MCTP2: variants seen among roughly 807,000 people sequenced by gnomAD.
The protein encoded by MCTP2 is multiple C2 and transmembrane domain-containing protein 2.
A neutral mutation model predicts 111.6 loss-of-function variants in MCTP2; 132 were observed. That is an observed-to-expected ratio of 1.18 (90% CI 1.03 to 1.37). The LOEUF is 1.37. Among genes scored for constraint, MCTP2 ranks in the 40% most tolerant of loss-of-function variants. MCTP2 has a pLI of 0.00. For synonymous variants in MCTP2, 395 were observed against 387.7 expected, an observed-to-expected ratio of 1.02 and a Z score of -0.22; for missense variants, 1,183 against 1,067.9, an observed-to-expected ratio of 1.11 and a Z score of -1.50.
At position 94,298,599 on chromosome 15, in the gene MCTP2, C is replaced by G. The variant is rs751060509; in HGVS notation, c.334C>G (p.His112Asp). 6.2e-7 allele frequency: 1 copy of G among 1,613,992 alleles called. No homozygotes were observed. Among genetic ancestry groups the G allele is most frequent in the Non-Finnish European group, 8.5e-7 (1 of 1,180,018 alleles). The change falls in exon 2 of 23, where the codon CAC becomes GAC. Residue 112 changes from histidine to aspartate, a missense_variant. Physicochemically the swap from His to Asp is moderately conservative, Grantham distance 81 (BLOSUM62 -1). Coordinates refer to ENST00000357742, the MANE Select transcript of MCTP2 (RefSeq NM_001385001.1). ...GGATTGGAGCCAGGAAGAAGCCAGTCACCTCCATGTGGTGGAAACAGACTC... is the reference window on the plus strand; with the variant it reads ...GGATTGGAGCCAGGAAGAAGCCAGTGACCTCCATGTGGTGGAAACAGACTC... ...ELDWSQEEASHLHVVETDSEE... is the reference protein window; with the variant it reads ...ELDWSQEEASDLHVVETDSEE...
chr15:94,355,895 G>C (rs2078594142), intron 8 of MCTP2: 1 of 1,063,102 alleles, frequency 9.4e-7, no homozygotes, highest in African/African-American at 1.7e-5. Flanking sequence ...GTACCGGCCA[G>C]TGCCAAGTCA....
intron 2 of MCTP2, among the ~76,000 whole-genome samples, chr15:94,303,062 A>ATATATATATATATATAGTT (rs1555448626): frequency 0.017 from 372 of 21,480 alleles, 2 homozygotes; most frequent in Non-Finnish European, 0.085. Context: ...AACTAATGGA[A>ATATATATATATATATAGTT]TATATATATA....
chr15:94,398,916 T>G, intron 14 of MCTP2, 45 bp from the exon 15 acceptor site: 1 of 1,182,764 alleles, frequency 8.5e-7, no homozygotes, highest in Non-Finnish European at 1.3e-6. Flanking sequence ...TTAAACCACA[T>G]AGTAATTTTG....
intron 12 of MCTP2, among the ~76,000 whole-genome samples, chr15:94,379,821 TTATA>T (rs913892195): frequency 3.5e-5 from 5 of 142,410 alleles, no homozygotes; most frequent in African/African-American, 1.1e-4. Flanking sequence ...TATGACATAA[TTATA>T]TATGACATAT....
chr15:94,457,522 A>T (rs2084910283), intron 19 of MCTP2, among the ~76,000 whole-genome samples: 1 of 152,210 alleles, frequency 6.6e-6, no homozygotes, highest in South Asian at 2.1e-4. Context: ...GAAGGGAATA[A>T]TCTGGGTAGG....
intron 1 of MCTP2, among the ~76,000 whole-genome samples, chr15:94,249,439 G>A (rs1176189760): frequency 6.6e-6 from 1 of 152,090 alleles, no homozygotes. Context: ...CAAAGCCCAA[G>A]GCAGATGTTC....
At chr15:94,263,102 C>T (rs1205150032) in intron 1 of MCTP2, among the ~76,000 whole-genome samples, 1 of 152,168 alleles carries the variant, frequency 6.6e-6, no homozygotes, top group African/African-American at 2.4e-5. Context: ...GAAGGAGAGT[C>T]AGACTCATGA....
intron 1 of MCTP2, among the ~76,000 whole-genome samples, chr15:94,276,947 C>CAAAAAAAA (rs71132999): frequency 8.4e-6 from 1 of 118,782 alleles, no homozygotes; most frequent in Non-Finnish European, 1.7e-5. Flanking sequence ...GTTGGAAGCC[C>CAAAAAAAA]AAAAAAAAAA....
chr15:94,455,936 A>T (rs1357323420), intron 19 of MCTP2, among the ~76,000 whole-genome samples: 1 of 152,244 alleles, frequency 6.6e-6, no homozygotes, highest in Non-Finnish European at 1.5e-5. Flanking sequence ...ATATATCACA[A>T]ATAATCATTC....
intron 19 of MCTP2, among the ~76,000 whole-genome samples, chr15:94,457,841 C>T (rs1177351123): frequency 2.6e-5 from 4 of 152,048 alleles, no homozygotes; most frequent in Non-Finnish European, 5.9e-5. Context: ...CAGAATTCTG[C>T]GAGGGACGCG....
chr15:94,316,557 GCT>G (rs2076387892), intron 4 of MCTP2, among the ~76,000 whole-genome samples: 7 of 152,178 alleles, frequency 4.6e-5, no homozygotes, highest in African/African-American at 1.7e-4. Flanking sequence ...TACCTTACAG[GCT>G]GTTGGGAAGA....
intron 1 of MCTP2, among the ~76,000 whole-genome samples, chr15:94,243,655 A>G (rs760472610): frequency 2.0e-5 from 3 of 148,172 alleles, no homozygotes; most frequent in Non-Finnish European, 3.0e-5. Context: ...ATATGTATAC[A>G]CATATGCGTA....
chr15:94,402,501 C>G, intron 17 of MCTP2: 1 of 1,551,726 alleles, frequency 6.4e-7, no homozygotes, highest in Non-Finnish European at 8.7e-7. Context: ...CAAAGAGGAA[C>G]CACCCCTGTC....
intron 14 of MCTP2, among the ~76,000 whole-genome samples, chr15:94,392,021 G>A (rs950801387): frequency 6.6e-6 from 1 of 152,120 alleles, no homozygotes; most frequent in Non-Finnish European, 1.5e-5. Flanking sequence ...TAAGTAAAAG[G>A]TAGGTCAGAA....
In MCTP2 at chr15:94,314,335, A is replaced by G. The variant is rs1196278025; in HGVS notation, c.519A>G (p.Glu173=). ...CTTCTATGACATCTCAACATTTTGA[A>G]GAACAATCTGTGAGTGGCATTCCTT... The part of the protein sequence containing the change: ...LNASMTSQHF[E]EQSVPGEASD... Residue 173 remains glutamate, a synonymous_variant, in exon 3 of 23, where the codon GAA becomes GAG. Transcript: ENST00000357742. The G allele has an allele frequency of 6.2e-7, 1 of 1,604,506 alleles. No homozygotes were observed. Among genetic ancestry groups the G allele is most frequent in the South Asian group, 1.1e-5 (1 of 90,126 alleles).
In MCTP2 at chr15:94,264,961, A is replaced by G. The variant is rs1403130456; in HGVS notation, c.-65-33240A>G. ...ATTCTCACTATCTTTTAAATAAAGG[A>G]TTTTTTTTTTCAGGGAGCACACATC... On this transcript the variant is annotated intron_variant, in intron 1 of 22. Transcript: ENST00000357742. 2.7e-5 allele frequency among the ~76,000 whole-genome samples: 4 copies of G among 150,720 alleles called. No individual in the cohort carries two copies. The East Asian group carries it at 7.8e-4, about 29-fold the overall frequency.
At chr15:94,353,209 T>C (rs2078409726) in intron 8 of MCTP2, among the ~76,000 whole-genome samples, 2 of 152,132 alleles carry the variant, frequency 1.3e-5, no homozygotes, top group Admixed American at 6.5e-5. Context: ...ATAAAAGCTT[T>C]GATGGAAAGT....
intron 12 of MCTP2, among the ~76,000 whole-genome samples, chr15:94,378,273 A>G (rs2079891343): frequency 6.6e-6 from 1 of 152,046 alleles, no homozygotes; most frequent in Admixed American, 6.6e-5. Context: ...CATAATTTCA[A>G]CACTTTAAGA....
intron 8 of MCTP2, among the ~76,000 whole-genome samples, chr15:94,352,882 A>G (rs2078383059): frequency 6.6e-6 from 1 of 152,246 alleles, no homozygotes; most frequent in Non-Finnish European, 1.5e-5. Flanking sequence ...CTGAGGCCTC[A>G]TCAAACCTAT....
Sources: gnomAD v4.1 joint callset for allele counts (sites outside exome capture counted in the v4.1 genomes callset) on GRCh38, gnomAD v4.1.1 for gene constraint, MANE v1.5 for transcripts, NCBI Gene and HGNC (gene_info 2026-07-23, HGNC 2026-07-21) for gene names.